ACBD6: variants seen among roughly 807,000 people sequenced by gnomAD.
The protein encoded by ACBD6 is acyl-CoA-binding domain-containing protein 6.
A neutral mutation model predicts 37.2 loss-of-function variants in ACBD6; 28 were observed. The ratio of observed to expected loss-of-function variants is 0.75; its 90% confidence interval spans 0.56 to 1.03. ACBD6 has a LOEUF of 1.03. Ranked by LOEUF, ACBD6 falls within the 50% of genes least tolerant of loss-of-function variation. ACBD6 has a pLI of 0.00. For missense variants in ACBD6, 340 were observed against 337.4 expected, an observed-to-expected ratio of 1.01 and a Z score of -0.06; for synonymous variants, 113 against 126.8, an observed-to-expected ratio of 0.89 and a Z score of 0.73.
chr1:180,428,717 A>G (rs1648697781), intron 4 of ACBD6, among the ~76,000 whole-genome samples: 1 of 152,240 alleles, frequency 6.6e-6, no homozygotes, highest in Admixed American at 6.5e-5. Context: ...GGAAAATGGC[A>G]TACAAAATAA....
intron 3 of ACBD6, among the ~76,000 whole-genome samples, chr1:180,467,580 G>C (rs948553949): frequency 7.9e-5 from 12 of 151,808 alleles, no homozygotes; most frequent in Non-Finnish European, 1.5e-4. Flanking sequence ...AAGCCCAGAA[G>C]TTTGAGGCCG....
At chr1:180,331,891 T>G (rs1024640164) in intron 6 of ACBD6, among the ~76,000 whole-genome samples, 1 of 152,230 alleles carries the variant, frequency 6.6e-6, no homozygotes, top group African/African-American at 2.4e-5. Flanking sequence ...ATCCTCTATA[T>G]TGAATCCACA....
At chr1:180,353,438 A>G (rs979292364) in intron 6 of ACBD6, among the ~76,000 whole-genome samples, 4 of 152,178 alleles carry the variant, frequency 2.6e-5, no homozygotes, top group African/African-American at 9.7e-5. Flanking sequence ...ATAGAAGACA[A>G]CTGCAACTCT....
At chr1:180,479,020 C>A (rs1650915080) in intron 3 of ACBD6, among the ~76,000 whole-genome samples, 1 of 152,148 alleles carries the variant, frequency 6.6e-6, no homozygotes, top group Non-Finnish European at 1.5e-5. Context: ...GTAGTCCCAG[C>A]TACTCAGGAC....
intron 3 of ACBD6, among the ~76,000 whole-genome samples, chr1:180,457,829 G>A: frequency 7.5e-6 from 1 of 133,192 alleles, no homozygotes; most frequent in South Asian, 2.3e-4. Context: ...TTTCGCTCTT[G>A]TCGCCCAGCC....
intron 3 of ACBD6, among the ~76,000 whole-genome samples, chr1:180,438,850 C>T (rs1649165345): frequency 6.6e-6 from 1 of 152,126 alleles, no homozygotes; most frequent in South Asian, 2.1e-4. Flanking sequence ...CATGTACCCA[C>T]CACTGCGGTA....
chr1:180,375,332 C>T (rs1017111220), intron 6 of ACBD6, among the ~76,000 whole-genome samples: 1 of 151,898 alleles, frequency 6.6e-6, no homozygotes, highest in Non-Finnish European at 1.5e-5. Context: ...CATGAGGGAA[C>T]AGACTGTTTT....
chr1:180,386,626 C>G (rs1653855313), intron 6 of ACBD6, among the ~76,000 whole-genome samples: 1 of 152,066 alleles, frequency 6.6e-6, no homozygotes, highest in Non-Finnish European at 1.5e-5. Context: ...CCATCTACTT[C>G]TCTCTGTTAT....
intron 5 of ACBD6, among the ~76,000 whole-genome samples, chr1:180,407,942 G>C (rs970358214): frequency 4.6e-5 from 7 of 152,152 alleles, no homozygotes; most frequent in African/African-American, 1.7e-4. Context: ...CCTACTTATT[G>C]ATTTGTTATA....
chr1:180,323,156 T>C (rs1651137223), intron 6 of ACBD6, among the ~76,000 whole-genome samples: 1 of 152,078 alleles, frequency 6.6e-6, no homozygotes, highest in Admixed American at 6.5e-5. Context: ...CTCTGTATAG[T>C]TTCCAAAATT....
intron 7 of ACBD6, among the ~76,000 whole-genome samples, chr1:180,294,886 T>A (rs1416038844): frequency 6.6e-6 from 1 of 152,026 alleles, no homozygotes; most frequent in East Asian, 1.9e-4. Context: ...GTTGTAGAGA[T>A]GGGGTCTTGC....
chr1:180,403,427 G>A (rs1489906055), intron 5 of ACBD6, among the ~76,000 whole-genome samples: 2 of 152,114 alleles, frequency 1.3e-5, no homozygotes, highest in African/African-American at 4.8e-5. Flanking sequence ...ACTGTTGTCT[G>A]TGTACTCCAA....
chr1:180,495,533 A>G lies in ACBD6; in HGVS notation c.223-8T>C. On this transcript the variant is annotated splice_region_variant and splice_polypyrimidine_tract_variant and intron_variant, in intron 1 of 7. Transcript: ENST00000367595. ...ACAATTTCCAACTTTGACCTAAATGAGGGAAGGAAAATCAAGAACTTATTT... is the reference window on the plus strand; with the variant it reads ...ACAATTTCCAACTTTGACCTAAATGGGGGAAGGAAAATCAAGAACTTATTT... The G allele has an allele frequency of 6.2e-7, 1 of 1,603,956 alleles. No individual in the cohort carries two copies. Among genetic ancestry groups the G allele is most frequent in the Non-Finnish European group, 8.5e-7 (1 of 1,171,760 alleles).
intron 6 of ACBD6, among the ~76,000 whole-genome samples, chr1:180,380,512 A>T (rs902161740): frequency 3.9e-5 from 6 of 152,168 alleles, no homozygotes; most frequent in African/African-American, 1.4e-4. Context: ...AGTTGTTCCC[A>T]GACAAGCAAA....
intron 3 of ACBD6, among the ~76,000 whole-genome samples, chr1:180,482,530 G>A (rs1651094264): frequency 6.6e-6 from 1 of 150,700 alleles, no homozygotes; most frequent in South Asian, 2.1e-4. Flanking sequence ...AAGCAAGAGA[G>A]AACCAAGGTA....
chr1:180,412,301 G>C (rs1222332879), intron 5 of ACBD6, among the ~76,000 whole-genome samples: 6 of 152,088 alleles, frequency 3.9e-5, no homozygotes, highest in Non-Finnish European at 7.4e-5. Context: ...TTGCCTAAAG[G>C]TGAGATAATA....
chr1:180,390,966 AAC>A, intron 6 of ACBD6, among the ~76,000 whole-genome samples: 1 of 152,200 alleles, frequency 6.6e-6, no homozygotes, highest in Admixed American at 6.5e-5. Flanking sequence ...GTGTGGTATT[AAC>A]ATAAGGAAAG....
intron 3 of ACBD6, among the ~76,000 whole-genome samples, chr1:180,481,003 C>A (rs1021688527): frequency 6.6e-6 from 1 of 151,572 alleles, no homozygotes; most frequent in East Asian, 1.9e-4. Context: ...TGTACTCCAG[C>A]CTGACAACAG....
At chr1:180,415,120 C>A (rs933066815) in intron 4 of ACBD6, among the ~76,000 whole-genome samples, 6 of 150,916 alleles carry the variant, frequency 4.0e-5, no homozygotes, top group South Asian at 2.1e-4. Flanking sequence ...AACAAACAAA[C>A]AAAAAAAACC....
Sources: allele counts gnomAD v4.1 joint callset (sites outside exome capture counted in the v4.1 genomes callset), GRCh38; gene constraint gnomAD v4.1.1; transcripts MANE v1.5; gene names NCBI Gene and HGNC (gene_info 2026-07-23, HGNC 2026-07-21).